The following CEP112 variants were observed in gnomAD, a reference collection of about 807,000 sequenced individuals.
The protein encoded by CEP112 is centrosomal protein 112.
A neutral mutation model predicts 153.0 loss-of-function variants in CEP112; 127 were observed. That is an observed-to-expected ratio of 0.83 (90% confidence interval 0.72 to 0.96). The LOEUF (loss-of-function observed/expected upper bound fraction) is 0.96. Ranked by LOEUF, CEP112 falls within the 40% of genes least tolerant of loss-of-function variation. CEP112 has a pLI of 0.00. For synonymous variants in CEP112, 358 were observed against 374.4 expected (o/e 0.96, Z 0.51); for missense variants, 1,089 against 1,101.2 (o/e 0.99, Z 0.16).
intron 20 of CEP112, among the ~76,000 whole-genome samples, chr17:65,878,768 G>C (rs1367743620): frequency 7.2e-5 from 11 of 151,980 alleles, no homozygotes; most frequent in Non-Finnish European, 7.4e-5. Flanking sequence ...TGCATACAGA[G>C]GGGTTGGACC....
In CEP112 at chr17:65,961,332, G is replaced by C. The variant is rs968750642; in HGVS notation, c.1872+131C>G. On this transcript the variant is annotated intron_variant, in intron 18 of 26. Coordinates refer to ENST00000535342, the MANE Select transcript of CEP112 (RefSeq NM_001199165.4). Reference sequence around the variant, plus strand: ...CATCTCTTTCTCATTCTGAATCTCTGACCCGATTGTATGGCTAATTTTGAT... The same window carrying C: ...CATCTCTTTCTCATTCTGAATCTCTCACCCGATTGTATGGCTAATTTTGAT... The C allele has an allele frequency of 1.1e-4, 92 of 834,040 alleles. No individual in the cohort carries two copies. In the African/African-American group the frequency reaches 1.5e-3, roughly 13 times the overall value. The allele number at this position is 834,040 out of a possible 1,614,324, so 51.7% of individuals were successfully genotyped here.
chr17:66,070,839 T>C (rs1418530533), intron 8 of CEP112, among the ~76,000 whole-genome samples: 2 of 152,148 alleles, frequency 1.3e-5, no homozygotes, highest in African/African-American at 4.8e-5. Flanking sequence ...CAACTCTAAT[T>C]CCAATCCCAC....
rs115347936 is a variant in CEP112, at chr17:65,759,999, C to T, written c.2395-9275G>A. On this transcript the variant is annotated intron_variant, in intron 21 of 26. Transcript: ENST00000535342. ...AGGGACAGTTATTATAGACGTATACCTAAGTAGTTAATTTTGGGGGTACTA... is the reference window on the plus strand; with the variant it reads ...AGGGACAGTTATTATAGACGTATACTTAAGTAGTTAATTTTGGGGGTACTA... Among the ~76,000 whole-genome samples the T allele has an allele frequency of 8.1e-3, 1,226 of 152,154 alleles. 18 individuals are homozygous for T. The highest frequency in any genetic ancestry group is 0.028 in the African/African-American group (1,157 of 41,516).
intron 20 of CEP112, among the ~76,000 whole-genome samples, chr17:65,892,010 T>A (rs1355811159): frequency 6.6e-6 from 1 of 152,224 alleles, no homozygotes; most frequent in Non-Finnish European, 1.5e-5. Flanking sequence ...TCCTTGTTAA[T>A]TTGGTTTTTG....
chr17:65,921,437 A>G (rs555282911), intron 19 of CEP112, among the ~76,000 whole-genome samples: 2 of 151,812 alleles, frequency 1.3e-5, no homozygotes, highest in Admixed American at 6.6e-5. Context: ...ATTCTGCTGA[A>G]AAAAAAAAGC....
intron 8 of CEP112, among the ~76,000 whole-genome samples, chr17:66,095,940 C>A (rs1294105089): frequency 6.6e-6 from 1 of 151,870 alleles, no homozygotes; most frequent in Non-Finnish European, 1.5e-5. Context: ...ATTAGCTGGA[C>A]ATGGTGGCAC....
intron 12 of CEP112, among the ~76,000 whole-genome samples, chr17:66,031,297 G>A (rs544631596): frequency 1.3e-5 from 2 of 152,068 alleles, no homozygotes; most frequent in Middle Eastern, 3.4e-3. Context: ...GAATAAAGAT[G>A]ATTTGTATTC....
chr17:66,069,515 A>G (rs2067235894), intron 9 of CEP112, among the ~76,000 whole-genome samples: 2 of 152,136 alleles, frequency 1.3e-5, no homozygotes, highest in African/African-American at 2.4e-5. Context: ...TTTTTAAATT[A>G]AAAAAGAAAT....
intron 21 of CEP112, among the ~76,000 whole-genome samples, chr17:65,791,834 C>A (rs1417044613): frequency 3.9e-5 from 6 of 152,008 alleles, no homozygotes; most frequent in Admixed American, 3.9e-4. Context: ...CTAAAAAAAC[C>A]CAAATAAAAT....
At chr17:65,698,403 A>G (rs1476480153) in intron 23 of CEP112, among the ~76,000 whole-genome samples, 1 of 152,028 alleles carries the variant, frequency 6.6e-6, no homozygotes, top group Admixed American at 6.6e-5. Flanking sequence ...TCGCTCACCT[A>G]TTTTCAGTCC....
At chr17:65,837,777 T>C (rs2057375087) in intron 21 of CEP112, among the ~76,000 whole-genome samples, 2 of 152,234 alleles carry the variant, frequency 1.3e-5, no homozygotes, top group Admixed American at 1.3e-4. Context: ...GCTGTTAATC[T>C]ATAACCTTAC....
intron 8 of CEP112, among the ~76,000 whole-genome samples, chr17:66,073,650 A>G (rs1002892603): frequency 1.3e-5 from 2 of 152,194 alleles, no homozygotes; most frequent in Non-Finnish European, 2.9e-5. Context: ...CCTTAGGACT[A>G]CTCTAAACCT....
intron 20 of CEP112, among the ~76,000 whole-genome samples, chr17:65,869,343 G>A (rs2146479735): frequency 6.6e-6 from 1 of 152,260 alleles, no homozygotes. Context: ...ATTAGACCTA[G>A]TAATTGGAAA....
rs1184964231 is a variant in CEP112, at chr17:65,969,894, G to A, written c.1737-8296C>T. Among the ~76,000 whole-genome samples, 6 of 152,298 alleles carry A rather than the reference G, an allele frequency of 3.9e-5. No homozygotes were observed. In the South Asian group the frequency reaches 1.0e-3, roughly 26 times the overall value. On this transcript the variant is annotated intron_variant, in intron 17 of 26. Transcript: ENST00000535342. ...TGCATTATGTGTAAATTACATGCAT[G>A]CTTAACACATGCATATTACATGCAT...
intron 12 of CEP112, among the ~76,000 whole-genome samples, chr17:66,051,608 T>C (rs1186436035): frequency 1.3e-5 from 2 of 152,126 alleles, no homozygotes; most frequent in Non-Finnish European, 2.9e-5. Flanking sequence ...TTCTCATTTC[T>C]TTTTCAATGT....
chr17:65,731,470 G>T (rs547191649), intron 23 of CEP112, among the ~76,000 whole-genome samples: 61 of 152,280 alleles, frequency 4.0e-4, no homozygotes, highest in Admixed American at 9.8e-4. Flanking sequence ...TTGGTGGAGG[G>T]TCTTGCTTTT....
At chr17:65,723,218 A>T (rs565314337) in intron 23 of CEP112, among the ~76,000 whole-genome samples, 9 of 152,328 alleles carry the variant, frequency 5.9e-5, no homozygotes, top group Non-Finnish European at 1.3e-4. Flanking sequence ...GCTATTTATT[A>T]ACCATGCCAA....
chr17:65,777,376 T>C (rs1425234525), intron 21 of CEP112, among the ~76,000 whole-genome samples: 2 of 152,334 alleles, frequency 1.3e-5, no homozygotes, highest in East Asian at 1.9e-4. Context: ...CTAATCATAA[T>C]GAATACACCC....
intron 21 of CEP112, among the ~76,000 whole-genome samples, chr17:65,789,675 C>T (rs2054483508): frequency 1.6e-5 from 2 of 128,000 alleles, no homozygotes; most frequent in South Asian, 2.5e-4. Flanking sequence ...TCTTAATCAT[C>T]TTGCAATAAT....
Sources: allele counts gnomAD v4.1 joint callset (sites outside exome capture counted in the v4.1 genomes callset), GRCh38; gene constraint gnomAD v4.1.1; transcripts MANE v1.5; gene names NCBI Gene and HGNC (gene_info 2026-07-23, HGNC 2026-07-21).